VOPP1: variants seen among roughly 807,000 people sequenced by gnomAD.
The protein encoded by VOPP1 is WW domain binding protein VOPP1.
A neutral mutation model predicts 23.5 loss-of-function variants in VOPP1; 8 were observed. The observed-to-expected ratio is 0.34, with a 90% CI of 0.20 to 0.61. VOPP1 has a LOEUF of 0.61. Among genes scored for constraint, VOPP1 ranks in the 20% least tolerant of loss-of-function variants. VOPP1 has a pLI of 0.78. For synonymous variants in VOPP1, 83 were observed against 97.3 expected, an observed-to-expected ratio of 0.85 and a Z score of 0.86; for missense variants, 174 against 238.1, an observed-to-expected ratio of 0.73 and a Z score of 1.77.
chr7:55,459,619 A>C (rs1791449022), intron 4 of VOPP1, among the ~76,000 whole-genome samples: 1 of 152,046 alleles, frequency 6.6e-6, no homozygotes, highest in Non-Finnish European at 1.5e-5. Context: ...GTGTCCAGGA[A>C]TTTACCCATT....
At chr7:55,459,742 T>C (rs1791451968) in intron 4 of VOPP1, among the ~76,000 whole-genome samples, 1 of 152,082 alleles carries the variant, frequency 6.6e-6, no homozygotes, top group African/African-American at 2.4e-5. Flanking sequence ...TGATTTTATT[T>C]GACTCTTCTT....
chr7:55,568,220 C>CA (rs1584137923), intron 1 of VOPP1, among the ~76,000 whole-genome samples: 3 of 151,754 alleles, frequency 2.0e-5, no homozygotes, highest in East Asian at 3.9e-4. Context: ...GCTGGGACTA[C>CA]AGGCGCCCGC....
chr7:55,468,087 C>T (rs1233686939), downstream of VOPP1, among the ~76,000 whole-genome samples: 2 of 151,932 alleles, frequency 1.3e-5, no homozygotes, highest in Non-Finnish European at 2.9e-5. Flanking sequence ...TCCTGGCTAA[C>T]GTAGTGAAAC....
chr7:55,502,591 G>A (rs997991761), intron 2 of VOPP1, among the ~76,000 whole-genome samples: 1 of 152,174 alleles, frequency 6.6e-6, no homozygotes, highest in Non-Finnish European at 1.5e-5. Flanking sequence ...TCTTCCTTTT[G>A]AAGCTGCTGG....
At chr7:55,509,372 C>T (rs1377471586) in intron 2 of VOPP1, among the ~76,000 whole-genome samples, 1 of 152,192 alleles carries the variant, frequency 6.6e-6, no homozygotes, top group East Asian at 1.9e-4. Context: ...AGTATCTAGT[C>T]AGGGCTCCCT....
At chr7:55,540,908 AAAC>A (rs1326274490) in intron 1 of VOPP1, among the ~76,000 whole-genome samples, 2 of 152,242 alleles carry the variant, frequency 1.3e-5, no homozygotes, top group African/African-American at 4.8e-5. Flanking sequence ...ACAAGGAAAA[AAAC>A]AACACCAAAA....
At chr7:55,501,782 C>T (rs145581756) in intron 2 of VOPP1, among the ~76,000 whole-genome samples, 1,680 of 152,234 alleles carry the variant, frequency 0.011, 11 homozygotes, top group Middle Eastern at 0.02. Context: ...AGACGACATA[C>T]ACCTGCAGCT....
At chr7:55,480,757 T>C (rs1225861611) in intron 4 of VOPP1, among the ~76,000 whole-genome samples, 2 of 152,260 alleles carry the variant, frequency 1.3e-5, no homozygotes, top group African/African-American at 2.4e-5. Context: ...GTACTGCATA[T>C]GCTGTTGCAT....
intron 1 of VOPP1, among the ~76,000 whole-genome samples, chr7:55,553,642 C>A (rs769891435): frequency 6.6e-5 from 10 of 151,874 alleles, no homozygotes; most frequent in Non-Finnish European, 1.0e-4. Context: ...CAACCCCACC[C>A]CACCCCTACC....
intron 1 of VOPP1, chr7:55,561,859 TG>T: frequency 1.5e-6 from 1 of 679,268 alleles, no homozygotes; most frequent in South Asian, 1.5e-5. Context: ...CATACCCAAG[TG>T]GACAATGAGA....
At chr7:55,525,486 C>T in intron 1 of VOPP1, among the ~76,000 whole-genome samples, 1 of 134,214 alleles carries the variant, frequency 7.5e-6, no homozygotes, top group East Asian at 2.0e-4. Context: ...GAGACTCCGT[C>T]TCCAAAAAAA....
At chr7:55,515,783 C>G (rs1381817600) in intron 2 of VOPP1, among the ~76,000 whole-genome samples, 1 of 152,218 alleles carries the variant, frequency 6.6e-6, no homozygotes, top group African/African-American at 2.4e-5. Flanking sequence ...CTGCAGACAC[C>G]TGAACATCGG....
At chr7:55,555,823 G>A (rs890228417) in intron 1 of VOPP1, among the ~76,000 whole-genome samples, 1 of 152,072 alleles carries the variant, frequency 6.6e-6, no homozygotes, top group African/African-American at 2.4e-5. Flanking sequence ...AACCTTTCGG[G>A]GACTGCAGTA....
intron 1 of VOPP1, among the ~76,000 whole-genome samples, chr7:55,532,413 A>G (rs1042089456): frequency 6.6e-6 from 1 of 151,810 alleles, no homozygotes; most frequent in Non-Finnish European, 1.5e-5. Flanking sequence ...CATGCCCACT[A>G]TTCTAAGAGC....
intron 1 of VOPP1, among the ~76,000 whole-genome samples, chr7:55,548,346 C>G (rs1055549642): frequency 6.6e-5 from 10 of 152,224 alleles, no homozygotes; most frequent in Non-Finnish European, 1.5e-4. Context: ...TCCCAGCAGA[C>G]CCCAATGACT....
At chr7:55,487,528 G>C (rs1793230417) in intron 4 of VOPP1, among the ~76,000 whole-genome samples, 2 of 152,146 alleles carry the variant, frequency 1.3e-5, no homozygotes, top group African/African-American at 4.8e-5. Context: ...CTTAATCACA[G>C]TACACTACAG....
At chr7:55,561,099 C>T (rs1797969779) in intron 1 of VOPP1, among the ~76,000 whole-genome samples, 2 of 152,110 alleles carry the variant, frequency 1.3e-5, no homozygotes, top group Non-Finnish European at 2.9e-5. Context: ...TGCACATGCA[C>T]AGCTTCCCAG....
At chr7:55,528,435 C>T (rs1449895405) in intron 1 of VOPP1, among the ~76,000 whole-genome samples, 1 of 152,140 alleles carries the variant, frequency 6.6e-6, no homozygotes, top group African/African-American at 2.4e-5. Context: ...AAAATGCAGA[C>T]CACTTAGTAC....
intron 2 of VOPP1, among the ~76,000 whole-genome samples, chr7:55,507,285 G>A (rs748448563): frequency 2.0e-5 from 3 of 152,150 alleles, no homozygotes; most frequent in South Asian, 4.1e-4. Context: ...TTCAGTACAC[G>A]GCAGGGCTGA....
Sources: allele counts gnomAD v4.1 joint callset (sites outside exome capture counted in the v4.1 genomes callset), GRCh38; gene constraint gnomAD v4.1.1; transcripts MANE v1.5; gene names NCBI Gene and HGNC (gene_info 2026-07-23, HGNC 2026-07-21).